Variants in FCRL3 observed in about 807,000 individuals in gnomAD.
The protein encoded by FCRL3 is Fc receptor like 3, also known as Fc receptor-like protein 3.
In FCRL3, 89 loss-of-function variants were observed where a neutral mutation model predicts 75.0. That is an observed-to-expected ratio of 1.19 (90% CI 1.00 to 1.42). FCRL3 has a LOEUF of 1.42. FCRL3 is among the 40% of genes most tolerant of loss of function. FCRL3 has a pLI of 0.00. For synonymous variants in FCRL3, 376 were observed against 348.5 expected (o/e 1.08, Z -0.88); for missense variants, 946 against 880.0 (o/e 1.07, Z -0.95).
rs756296436 is a variant in FCRL3, at chr1:157,697,378, T to A, written c.606A>T (p.Ile202=). ...AGGTCAGGGTCATGGGACTCCCCTC[T>A]ATGGGCGTGGAAGAGCTGGCTCTCA... is the stretch of plus-strand genomic sequence containing the variant. ...PVLRASSSTP[I]EGSPMTLTCE... Residue 202 remains isoleucine (I), a synonymous_variant, in exon 6 of 15, where the codon ATA becomes ATT. Transcript: ENST00000368184. 5.7e-6 allele frequency: 9 copies of A among 1,573,964 alleles called. No homozygotes were observed. The highest frequency in any genetic ancestry group is 2.4e-5 in the South Asian group (2 of 83,900).
chr1:157,684,335 T>C (rs1403538879), intron 10 of FCRL3, among the ~76,000 whole-genome samples: 2 of 152,110 alleles, frequency 1.3e-5, no homozygotes, highest in African/African-American at 2.4e-5. Context: ...TTGCTCAAAA[T>C]AAACATACCA....
Position 157,698,370 on chromosome 1 carries a change from CTTCCA to C in FCRL3, c.298+9_298+13del. 6.2e-7 allele frequency: 1 copy of C among 1,613,982 alleles called. No homozygotes were observed. Among genetic ancestry groups the C allele is most frequent in the Non-Finnish European group, 8.5e-7 (1 of 1,179,936 alleles). ...TGGTGGCTTGACTTTAGACACTCCC[CTTCCA>C]TTCCTCACCAGGTGAAAATTCCACA... On this transcript the variant is annotated intron_variant, in intron 4 of 14. Coordinates refer to ENST00000368184, the MANE Select transcript of FCRL3 (RefSeq NM_052939.4).
chr1:157,679,507 GT>G (rs1487975826), intron 13 of FCRL3, among the ~76,000 whole-genome samples: 1 of 152,104 alleles, frequency 6.6e-6, no homozygotes, highest in Admixed American at 6.6e-5. Context: ...AGAAAATTTA[GT>G]GTGTGTGTAT....
In FCRL3 at chr1:157,697,299, A is replaced by G. The variant is rs1170405687; in HGVS notation, c.685T>C (p.Phe229Leu). 9 of 1,612,624 alleles carry G rather than the reference A, an allele frequency of 5.6e-6. No homozygotes were observed. The highest frequency in any genetic ancestry group is 7.6e-6 in the Non-Finnish European group (9 of 1,179,142). ...AATCCGAGGGTCTGGCTATCTCTGA[A>G]GAGGGAGAATTGCAGCTGGACATCT... is the stretch of plus-strand genomic sequence containing the variant. ...RPDVQLQFSL[F>L]RDSQTLGLGW... The change falls in exon 6 of 15, where the codon TTC (phenylalanine) becomes CTC (leucine). Residue 229 changes from phenylalanine (F) to leucine (L), a missense_variant. Phe to Leu is a conservative substitution (Grantham distance 22). Transcript: ENST00000368184.
At chr1:157,683,077 C>T (rs2101592458) in intron 11 of FCRL3, 140 bp downstream of exon 11, 2 of 891,156 alleles carry the variant, frequency 2.2e-6, no homozygotes, top group Non-Finnish European at 3.4e-6. Flanking sequence ...GTGACATTCA[C>T]TTATATCTAC....
Position 157,687,393 on chromosome 1 carries a change from C to T in FCRL3, c.1810+2405G>A, listed in dbSNP as rs577024196. On this transcript the variant is annotated intron_variant, in intron 10 of 14. Coordinates refer to ENST00000368184, the MANE Select transcript of FCRL3 (RefSeq NM_052939.4). ...AGGGGTTTGGAGATTTCTCAAAGAA[C>T]TTATAATAGAGCTACCATTCAACCT... 4.4e-5 allele frequency among the ~76,000 whole-genome samples: 6 copies of T among 136,224 alleles called. No homozygotes were observed. In the South Asian group the frequency reaches 1.1e-3, roughly 24 times the overall value. 89.4% of individuals were successfully genotyped at this position (136,224 alleles called of 152,430 possible). A position where few individuals can be genotyped will look rare whatever the true frequency, so the allele number is the denominator to read the frequency against.
chr1:157,694,951 G>A (rs1655787876), intron 8 of FCRL3, among the ~76,000 whole-genome samples: 1 of 152,164 alleles, frequency 6.6e-6, no homozygotes, highest in Non-Finnish European at 1.5e-5. Flanking sequence ...GAAAACTGTG[G>A]CAAGGGATGA....
chr1:157,689,322 A>G (rs1292173891), intron 10 of FCRL3, among the ~76,000 whole-genome samples: 2 of 152,232 alleles, frequency 1.3e-5, no homozygotes, highest in Non-Finnish European at 2.9e-5. Flanking sequence ...TTCAGGATAT[A>G]AAATTAATAT....
At position 157,697,463 on chromosome 1, in the gene FCRL3, G is replaced by A. The variant is rs763470634; in HGVS notation, c.560-39C>T. ...ACAACATAGTCTCCAGGGTGGTGAG[G>A]CTCAGAGTTCCTAGAGAGATGCATT... On this transcript the variant is annotated intron_variant, in intron 5 of 14. Transcript: ENST00000368184. 6.2e-5 allele frequency: 94 copies of A among 1,522,226 alleles called. No individual in the cohort carries two copies. The East Asian group carries it at 2.1e-3, about 34-fold the overall frequency. The allele number at this position is 1,522,226 out of a possible 1,614,324, so 94.3% of individuals were successfully genotyped here.
chr1:157,690,584 A>G, intron 8 of FCRL3, 51 bp from the exon 9 acceptor site: 1 of 1,593,070 alleles, frequency 6.3e-7, no homozygotes, highest in South Asian at 1.1e-5. Flanking sequence ...TAGGTATACA[A>G]GAGAACTTAA....
intron 8 of FCRL3, among the ~76,000 whole-genome samples, chr1:157,694,853 C>T (rs909754205): frequency 9.2e-5 from 14 of 152,094 alleles, no homozygotes; most frequent in Non-Finnish European, 1.8e-4. Context: ...TAGTGGCTGA[C>T]AGAGAACCCA....
intron 6 of FCRL3, chr1:157,696,535 G>T: frequency 1.8e-6 from 1 of 570,318 alleles, no homozygotes; most frequent in Non-Finnish European, 3.1e-6. Flanking sequence ...TGAGAAATGT[G>T]GGCACCAAGT....
At position 157,700,453 on chromosome 1, in the gene FCRL3, A is replaced by C; in HGVS notation, c.31+6T>G. On this transcript the variant is annotated splice_donor_region_variant and intron_variant, in intron 2 of 14. Transcript: ENST00000368184. Reference sequence around the variant, plus strand: ...GCCGTGGCCCCATTATAGCCCATCTACTCACTCAGGATCAGCAGCAGCAGC... The same window carrying C: ...GCCGTGGCCCCATTATAGCCCATCTCCTCACTCAGGATCAGCAGCAGCAGC... The C allele has an allele frequency of 6.2e-7, 1 of 1,613,808 alleles. No individual in the cohort carries two copies. The highest frequency in any genetic ancestry group is 8.5e-7 in the Non-Finnish European group (1 of 1,179,918).
rs755748147 is a variant in FCRL3, at chr1:157,695,603, CG to C, written c.1136del (p.Pro379ArgfsTer29). 8.2e-5 allele frequency: 131 copies of C among 1,601,716 alleles called. No individual in the cohort carries two copies. In the South Asian group the frequency reaches 1.4e-3, roughly 17 times the overall value. ...TGAAGGTGAGGACAGGGTGAGATAC[CG>C]GAACTGAAGGAGACAAAAGGGCTGT... Reference protein sequence around the residue: ...STWIRVTVRIPVSHPVLTFRA... With the variant: ...STWIRVTVRIXVSHPVLTFRA... On this transcript the variant is annotated frameshift_variant, in exon 8 of 15. Transcript: ENST00000368184. LOFTEE classifies it high-confidence loss of function.
intron 6 of FCRL3, 178 bp from the exon 7 acceptor site, chr1:157,696,505 T>C (rs1020776771): frequency 6.6e-6 from 4 of 610,156 alleles, no homozygotes; most frequent in Non-Finnish European, 8.5e-6. Flanking sequence ...TCCCTCTCAC[T>C]CCCACAACAT....
intron 13 of FCRL3, 27 bp downstream of exon 13, chr1:157,680,675 C>A: frequency 1.2e-6 from 2 of 1,602,900 alleles, no homozygotes; most frequent in Non-Finnish European, 1.7e-6. Flanking sequence ...TGCCACCTCA[C>A]CTCTATTTGC....
At position 157,679,028 on chromosome 1, in the gene FCRL3, C is replaced by T. The variant is rs780386959; in HGVS notation, c.2027-55G>A. 5.0e-6 allele frequency: 8 copies of T among 1,585,780 alleles called. No homozygotes were observed. The Admixed American group carries it at 1.0e-4, about 20-fold the overall frequency. On this transcript the variant is annotated intron_variant, in intron 13 of 14. Transcript: ENST00000368184. ...TTAAACTGTGGGCAATATATTCCAACTTACAACGTACGCACACTGCATTCC... is the reference window on the plus strand; with the variant it reads ...TTAAACTGTGGGCAATATATTCCAATTTACAACGTACGCACACTGCATTCC...
At chr1:157,696,375 CA>C in intron 6 of FCRL3, 48 bp from the exon 7 acceptor site, 1 of 1,601,388 alleles carries the variant, frequency 6.2e-7, no homozygotes, top group Non-Finnish European at 8.5e-7. Flanking sequence ...GCAGGGACAT[CA>C]AGGTCAAGGG....
chr1:157,696,670 T>C (rs772997138), intron 6 of FCRL3: 1 of 303,088 alleles, frequency 3.3e-6, no homozygotes, highest in African/African-American at 2.1e-5. Context: ...GTTTTGAAGA[T>C]CAAAATAGAA....
Sources: allele counts gnomAD v4.1 joint callset (sites outside exome capture counted in the v4.1 genomes callset), GRCh38; gene constraint gnomAD v4.1.1; transcripts MANE v1.5; gene names NCBI Gene and HGNC (gene_info 2026-07-23, HGNC 2026-07-21).